NRXN3: variants seen among roughly 807,000 people sequenced by gnomAD.
NRXN3 encodes neurexin 3.
A neutral mutation model predicts 137.6 loss-of-function variants in NRXN3; 32 were observed. The ratio of observed to expected loss-of-function variants is 0.23; its 90% CI spans 0.18 to 0.31. The LOEUF (loss-of-function observed/expected upper bound fraction) is 0.31. Among genes scored for constraint, NRXN3 ranks in the 10% least tolerant of loss-of-function variants. The pLI is 1.00. For missense variants in NRXN3, 1,574 were observed against 2,062.5 expected (o/e 0.76, Z 4.59); for synonymous variants, 798 against 784.5 (o/e 1.02, Z -0.29).
intron 15 of NRXN3, among the ~76,000 whole-genome samples, chr14:79,438,328 G>C (rs2153564833): frequency 6.6e-6 from 1 of 152,314 alleles, no homozygotes; most frequent in South Asian, 2.1e-4. Flanking sequence ...GTTAATAAAA[G>C]TTCGGTTTGG....
intron 8 of NRXN3, among the ~76,000 whole-genome samples, chr14:78,736,815 T>C (rs1232878450): frequency 6.6e-6 from 1 of 152,156 alleles, no homozygotes; most frequent in Admixed American, 6.5e-5. Context: ...GTAAAATATA[T>C]GTAGCTTATT....
chr14:79,440,562 C>T (rs1338510867), intron 15 of NRXN3, among the ~76,000 whole-genome samples: 1 of 152,050 alleles, frequency 6.6e-6, no homozygotes, highest in Non-Finnish European at 1.5e-5. Flanking sequence ...ATGAATTGAT[C>T]CCCATAGTAT....
intron 2 of NRXN3, among the ~76,000 whole-genome samples, chr14:78,256,394 G>A (rs1240284857): frequency 5.9e-5 from 9 of 152,216 alleles, no homozygotes; most frequent in Admixed American, 3.3e-4. Context: ...ACCACAGAAC[G>A]CACAACTTTG....
chr14:79,001,899 A>G (rs1016504428), intron 15 of NRXN3, among the ~76,000 whole-genome samples: 1 of 152,200 alleles, frequency 6.6e-6, no homozygotes, highest in Non-Finnish European at 1.5e-5. Flanking sequence ...CCTGGGAAAG[A>G]GTTTTTGTAA....
At chr14:79,751,417 A>G (rs1433516204) in intron 19 of NRXN3, among the ~76,000 whole-genome samples, 16 of 150,028 alleles carry the variant, frequency 1.1e-4, no homozygotes, top group African/African-American at 3.6e-4. Flanking sequence ...TTGTACATTG[A>G]TTTTGTATCC....
chr14:79,093,295 A>G (rs1383458979), intron 15 of NRXN3, among the ~76,000 whole-genome samples: 1 of 152,126 alleles, frequency 6.6e-6, no homozygotes, highest in Non-Finnish European at 1.5e-5. Context: ...AGGTGTGGGG[A>G]CTTAAAGGGT....
chr14:78,261,185 A>G (rs1302149524), intron 2 of NRXN3, among the ~76,000 whole-genome samples: 3 of 152,172 alleles, frequency 2.0e-5, no homozygotes, highest in African/African-American at 7.2e-5. Context: ...GCTCCTGTGG[A>G]TATCAGTGAC....
intron 16 of NRXN3, among the ~76,000 whole-genome samples, chr14:79,617,934 A>G (rs1213247030): frequency 6.6e-6 from 1 of 150,862 alleles, no homozygotes; most frequent in Non-Finnish European, 1.5e-5. Context: ...AAAAAAAAAC[A>G]TGCTTATGAA....
chr14:78,889,937 G>A (rs1378776135), intron 10 of NRXN3, among the ~76,000 whole-genome samples: 6 of 152,022 alleles, frequency 3.9e-5, no homozygotes, highest in Non-Finnish European at 8.8e-5. Context: ...AGAGACAGAT[G>A]AGGAGAAGAC....
intron 15 of NRXN3, among the ~76,000 whole-genome samples, chr14:79,031,039 TC>T (rs1194163304): frequency 3.9e-5 from 6 of 152,126 alleles, no homozygotes; most frequent in Non-Finnish European, 8.8e-5. Context: ...CCTTCCCCTT[TC>T]TGCCTTTCTT....
intron 8 of NRXN3, among the ~76,000 whole-genome samples, chr14:78,790,379 A>C (rs1595883722): frequency 6.6e-6 from 1 of 152,252 alleles, no homozygotes; most frequent in Non-Finnish European, 1.5e-5. Context: ...TAATGGCAGG[A>C]CTCCGTTGAG....
intron 1 of NRXN3, among the ~76,000 whole-genome samples, chr14:78,221,581 A>T (rs867606018): frequency 1.3e-5 from 2 of 152,198 alleles, no homozygotes; most frequent in Non-Finnish European, 2.9e-5. Context: ...AAAAAACTGG[A>T]TGATACGCAA....
intron 19 of NRXN3, among the ~76,000 whole-genome samples, chr14:79,783,845 C>T (rs954194440): frequency 6.6e-6 from 1 of 152,046 alleles, no homozygotes. Flanking sequence ...CTTTCTGTGA[C>T]CTTTTTGATT....
At chr14:79,146,681 G>A (rs183432487) in intron 15 of NRXN3, among the ~76,000 whole-genome samples, 30 of 152,222 alleles carry the variant, frequency 2.0e-4, no homozygotes, top group African/African-American at 6.7e-4. Flanking sequence ...AACCAAGGCC[G>A]CAGTCTAATC....
At chr14:78,288,561 C>A (rs969227515) in intron 3 of NRXN3, among the ~76,000 whole-genome samples, 4 of 152,174 alleles carry the variant, frequency 2.6e-5, no homozygotes, top group Non-Finnish European at 4.4e-5. Flanking sequence ...GGGTGCAGTG[C>A]TTTTATCTAG....
At chr14:79,684,893 G>T (rs1567884309) in intron 17 of NRXN3, among the ~76,000 whole-genome samples, 1 of 152,096 alleles carries the variant, frequency 6.6e-6, no homozygotes, top group Non-Finnish European at 1.5e-5. Context: ...AGATGACACA[G>T]AGGGTGGACA....
At chr14:79,825,228 C>T (rs1425794230) in intron 20 of NRXN3, among the ~76,000 whole-genome samples, 3 of 55,052 alleles carry the variant, frequency 5.4e-5, no homozygotes, top group South Asian at 6.1e-4. Flanking sequence ...TTTTTTTTTA[C>T]GGCCGTCCAA....
chr14:78,420,156 G>A (rs1250749159), intron 4 of NRXN3, among the ~76,000 whole-genome samples: 1 of 152,136 alleles, frequency 6.6e-6, no homozygotes, highest in Non-Finnish European at 1.5e-5. Flanking sequence ...AGGGGGATAA[G>A]GCAGATGAAT....
intron 15 of NRXN3, among the ~76,000 whole-genome samples, chr14:79,080,353 A>G (rs1482356934): frequency 6.6e-6 from 1 of 152,232 alleles, no homozygotes; most frequent in African/African-American, 2.4e-5. Context: ...ATGGTGTTAA[A>G]AGATCAAAGA....
Sources: gnomAD v4.1 joint callset for allele counts (sites outside exome capture counted in the v4.1 genomes callset) on GRCh38, gnomAD v4.1.1 for gene constraint, MANE v1.5 for transcripts, NCBI Gene and HGNC (gene_info 2026-07-23, HGNC 2026-07-21) for gene names.